Variants in SEPTIN7 observed in about 807,000 individuals in gnomAD.
The protein encoded by SEPTIN7 is septin 7, also known as septin-7.
Under a neutral mutation model 63.3 loss-of-function variants are expected in SEPTIN7, and 10 were observed. That is an observed-to-expected ratio of 0.16 (90% CI 0.10 to 0.27). The LOEUF is 0.27. SEPTIN7 is among the 10% of genes least tolerant of loss of function. The probability of loss-of-function intolerance (pLI) is 1.00; values close to 1 mark genes in which losing one functional copy is unlikely to be tolerated. For synonymous variants in SEPTIN7, 131 were observed against 165.3 expected (o/e 0.79, Z 1.59); for missense variants, 310 against 521.0 (o/e 0.59, Z 3.94).
chr7:35,877,540 T>G (rs182889656), intron 6 of SEPTIN7, among the ~76,000 whole-genome samples: 3 of 152,368 alleles, frequency 2.0e-5, no homozygotes, highest in Admixed American at 2.0e-4. Flanking sequence ...ATGAGACCTT[T>G]ATTTCATTTT....
intron 3 of SEPTIN7, among the ~76,000 whole-genome samples, chr7:35,839,233 A>G (rs1311181106): frequency 1.2e-4 from 19 of 152,260 alleles, no homozygotes; most frequent in Non-Finnish European, 1.5e-5. Flanking sequence ...CTAAAAAGAG[A>G]AAAAAAGGAA....
At chr7:35,853,178 T>C (rs1021732670) in intron 3 of SEPTIN7, among the ~76,000 whole-genome samples, 25 of 152,176 alleles carry the variant, frequency 1.6e-4, no homozygotes, top group African/African-American at 6.0e-4. Flanking sequence ...AAGCATGTAA[T>C]CCCAGCCCTT....
chr7:35,890,092 A>T (rs1787542485), intron 10 of SEPTIN7, among the ~76,000 whole-genome samples: 2 of 152,356 alleles, frequency 1.3e-5, no homozygotes, highest in South Asian at 4.1e-4. Context: ...TGTATTGTAG[A>T]CTTATATATA....
At chr7:35,829,128 CTTTTTTTTTTTTT>C (rs71553032) in intron 1 of SEPTIN7, among the ~76,000 whole-genome samples, 47 of 61,068 alleles carry the variant, frequency 7.7e-4, no homozygotes, top group Admixed American at 1.8e-3. Context: ...CATGGACCTT[CTTTTTTTTTTTTT>C]TTTTTTTTTT....
At position 35,808,802 on chromosome 7, in the gene SEPTIN7, A is replaced by G. The variant is rs147539380; in HGVS notation, c.61+7532A>G. Among the ~76,000 whole-genome samples, 971 of 152,344 alleles carry G rather than the reference A, an allele frequency of 6.4e-3. 7 individuals carry two copies. The highest frequency in any genetic ancestry group is 0.022 in the African/African-American group (931 of 41,582). On this transcript the variant is annotated intron_variant, in intron 1 of 13. Transcript: ENST00000350320. ...TAAGACCATAGCATATGGATAGATC[A>G]TGATATGGGATATATTTTGATTTGT...
intron 1 of SEPTIN7, among the ~76,000 whole-genome samples, chr7:35,816,368 G>C (rs1321274330): frequency 1.1e-4 from 16 of 152,038 alleles, no homozygotes; most frequent in Non-Finnish European, 1.3e-4. Context: ...ACTTAGCAGT[G>C]TTTTCAAGTT....
chr7:35,829,301 G>T (rs1205115127), intron 1 of SEPTIN7, among the ~76,000 whole-genome samples: 1 of 151,436 alleles, frequency 6.6e-6, no homozygotes, highest in Non-Finnish European at 1.5e-5. Context: ...TGTCAGTCCC[G>T]GCTAATTTTT....
chr7:35,831,896 G>A lies in SEPTIN7; in HGVS notation c.66+400G>A, dbSNP rs1783850555. The A allele has an allele frequency of 3.3e-4, 98 of 293,208 alleles. 3 individuals are homozygous for A. The highest frequency in any genetic ancestry group is 2.8e-3 in the South Asian group (96 of 34,518). The allele number at this position is 293,208 out of a possible 1,614,324, so 18.2% of individuals were successfully genotyped here. ...CTTTTTAAATGAGAATTTAAATGTG[G>A]CAGAAACTTTTAAGAGAATGTGTGC... On this transcript the variant is annotated intron_variant, in intron 2 of 13. Coordinates refer to ENST00000350320, the MANE Select transcript of SEPTIN7 (RefSeq NM_001788.6).
At position 35,849,335 on chromosome 7, in the gene SEPTIN7, C is replaced by T. The variant is rs181432489; in HGVS notation, c.170-14217C>T. Among the ~76,000 whole-genome samples, 28 of 152,150 alleles carry T rather than the reference C, an allele frequency of 1.8e-4. No homozygotes were observed. In the East Asian group the frequency reaches 4.2e-3, roughly 23 times the overall value. On this transcript the variant is annotated intron_variant, in intron 3 of 13. Transcript: ENST00000350320. ...GTGTGGGAGGGGAGCAGGATGGTTT[C>T]GGGATGAAACTGATCATCAGGCATT...
chr7:35,805,039 G>A (rs1439091146), intron 1 of SEPTIN7, among the ~76,000 whole-genome samples: 1 of 151,852 alleles, frequency 6.6e-6, no homozygotes, highest in African/African-American at 2.4e-5. Flanking sequence ...TCGCCACCAC[G>A]CCCAGCTAAT....
chr7:35,844,914 G>T (rs1484447461), intron 3 of SEPTIN7, among the ~76,000 whole-genome samples: 1 of 152,042 alleles, frequency 6.6e-6, no homozygotes, highest in East Asian at 1.9e-4. Context: ...TCTAATCCAA[G>T]CATTGTGTTG....
At chr7:35,874,786 T>C (rs1300081606) in intron 6 of SEPTIN7, among the ~76,000 whole-genome samples, 1 of 152,176 alleles carries the variant, frequency 6.6e-6, no homozygotes, top group African/African-American at 2.4e-5. Context: ...AAGATGTTTC[T>C]TCTTTTATGT....
At chr7:35,802,730 A>G (rs1015124850) in intron 1 of SEPTIN7, among the ~76,000 whole-genome samples, 3 of 152,136 alleles carry the variant, frequency 2.0e-5, no homozygotes, top group Non-Finnish European at 2.9e-5. Flanking sequence ...GATATAAACA[A>G]TGACCAAGTC....
At chr7:35,820,223 G>A (rs1417679560) in intron 1 of SEPTIN7, among the ~76,000 whole-genome samples, 2 of 152,020 alleles carry the variant, frequency 1.3e-5, no homozygotes, top group East Asian at 1.9e-4. Context: ...TAACAGTTTG[G>A]TTATGTGTGG....
chr7:35,804,900 A>C (rs2115638814), intron 1 of SEPTIN7, among the ~76,000 whole-genome samples: 1 of 142,340 alleles, frequency 7.0e-6, no homozygotes, highest in Middle Eastern at 3.6e-3. Flanking sequence ...GCAATGGTGC[A>C]ATCTTGGCTC....
chr7:35,808,746 G>A (rs528880742), intron 1 of SEPTIN7, among the ~76,000 whole-genome samples: 130 of 152,338 alleles, frequency 8.5e-4, no homozygotes, highest in Middle Eastern at 6.8e-3. Context: ...TAGTGATTAA[G>A]TATCAACATA....
At chr7:35,880,218 C>T (rs201582765) in intron 7 of SEPTIN7, among the ~76,000 whole-genome samples, 893 of 90,456 alleles carry the variant, frequency 9.9e-3, no homozygotes, top group African/African-American at 0.013. Flanking sequence ...CTTTTTTTTT[C>T]TTTTCTTTTT....
chr7:35,898,078 T>G, intron 11 of SEPTIN7, 170 bp from the exon 12 acceptor site: 1 of 477,256 alleles, frequency 2.1e-6, no homozygotes, highest in Non-Finnish European at 3.5e-6. Flanking sequence ...TTTTAGATTT[T>G]TTTCATAAAT....
At chr7:35,838,971 T>G (rs1784270192) in intron 3 of SEPTIN7, among the ~76,000 whole-genome samples, 1 of 152,208 alleles carries the variant, frequency 6.6e-6, no homozygotes, top group African/African-American at 2.4e-5. Context: ...TCATTGGTCT[T>G]CCTATATAAA....
Sources: gnomAD v4.1 joint callset for allele counts (sites outside exome capture counted in the v4.1 genomes callset) on GRCh38, gnomAD v4.1.1 for gene constraint, MANE v1.5 for transcripts, NCBI Gene and HGNC (gene_info 2026-07-23, HGNC 2026-07-21) for gene names.